UBR4: variants seen among roughly 807,000 people sequenced by gnomAD.
The protein encoded by UBR4 is E3 ubiquitin-protein ligase UBR4.
UBR4 carries 124 observed loss-of-function variants against 575.6 expected under a neutral mutation model. That is an observed-to-expected ratio of 0.22 (90% CI 0.19 to 0.25). The LOEUF (loss-of-function observed/expected upper bound fraction) is 0.25. Among genes scored for constraint, UBR4 ranks in the 10% least tolerant of loss-of-function variants. The pLI, the probability that UBR4 is intolerant of heterozygous loss-of-function variation, is 1.00. For missense variants in UBR4, 4,818 were observed against 6,478.8 expected (o/e 0.74, Z 8.80); for synonymous variants, 2,455 against 2,473.7 (o/e 0.99, Z 0.22).
In UBR4 at chr1:19,186,615, C is replaced by T. The variant is rs773308489; in HGVS notation, c.1675G>A (p.Asp559Asn). The part of the protein sequence containing the change: ...QRQRKGSMSS[D>N]ASASTDSNTY... ...TTGGAGTCGGTGGAGGCGCTGGCATCGCTGCTCATGGAGCCCTTCCTCTGC... is the reference window on the plus strand; with the variant it reads ...TTGGAGTCGGTGGAGGCGCTGGCATTGCTGCTCATGGAGCCCTTCCTCTGC... Residue 559 changes from aspartate to asparagine, a missense_variant, in exon 14 of 106, where the codon GAT (aspartate) becomes AAT (asparagine). By Grantham distance (23) the Asp-to-Asn change is conservative. Transcript: ENST00000375254. The T allele has an allele frequency of 3.7e-6, 6 of 1,613,970 alleles. No homozygotes were observed. Among genetic ancestry groups the T allele is most frequent in the Admixed American group, 1.7e-5 (1 of 59,990 alleles).
Position 19,159,508 on chromosome 1 carries a change from C to T in UBR4, c.5577+603G>A, listed in dbSNP as rs2086953846. Among the ~76,000 whole-genome samples the T allele has an allele frequency of 2.6e-5, 4 of 152,198 alleles. 1 individual carries two copies. In the South Asian group the frequency reaches 8.3e-4, roughly 32 times the overall value. On this transcript the variant is annotated intron_variant, in intron 39 of 105. Coordinates refer to ENST00000375254, the MANE Select transcript of UBR4 (RefSeq NM_020765.3). ...ATTCTAATTGCCCCAAAATGGAGTT[C>T]CCCACCTCTTGGAGATTCATATATT... is the stretch of plus-strand genomic sequence containing the variant.
intron 8 of UBR4, among the ~76,000 whole-genome samples, chr1:19,195,316 TTAAAAA>T (rs2092388734): frequency 6.7e-6 from 1 of 148,516 alleles, no homozygotes; most frequent in African/African-American, 2.5e-5. Context: ...TTTCAAAAAA[TTAAAAA>T]TAAATTTTAA....
chr1:19,161,538 T>C, intron 37 of UBR4, 51 bp downstream of exon 37: 1 of 1,541,916 alleles, frequency 6.5e-7, no homozygotes, highest in Non-Finnish European at 8.7e-7. Context: ...GCTTCAGTAA[T>C]CCCGTGTCAC....
chr1:19,140,675 A>T, intron 58 of UBR4, 113 bp downstream of exon 58: 1 of 1,086,576 alleles, frequency 9.2e-7, no homozygotes, highest in Non-Finnish European at 1.3e-6. Context: ...AGGCAGAAGC[A>T]GGAAGTCCAG....
Position 19,095,646 on chromosome 1 carries a change from G to T in UBR4, c.13525C>A (p.Leu4509Met). ...TTCACGCAGTAACTGAACAATTTCA[G>T]TAGCACCTGACAAGAAAAGCCAGTC... The part of the protein sequence containing the change: ...KQGRHLLTVL[L>M]KLFSYCVKVK... The change falls in exon 93 of 106, where the codon CTG (leucine) becomes ATG (methionine). Residue 4509 changes from leucine to methionine, a missense_variant. Coordinates refer to ENST00000375254, the MANE Select transcript of UBR4 (RefSeq NM_020765.3). The T allele has an allele frequency of 6.2e-7, 1 of 1,613,952 alleles. No homozygotes were observed. Among genetic ancestry groups the T allele is most frequent in the Middle Eastern group, 1.7e-4 (1 of 6,054 alleles).
Position 19,156,431 on chromosome 1 carries a change from A to G in UBR4, c.5920-8T>C. On this transcript the variant is annotated splice_region_variant and splice_polypyrimidine_tract_variant and intron_variant, in intron 41 of 105. Transcript: ENST00000375254. ...GGTGAGCACATGACAGTCCTGGACAATGTTTAAGAAACAAAATGGTGAAAA... is the reference window on the plus strand; with the variant it reads ...GGTGAGCACATGACAGTCCTGGACAGTGTTTAAGAAACAAAATGGTGAAAA... The G allele has an allele frequency of 6.2e-7, 1 of 1,608,952 alleles. No individual in the cohort carries two copies. Among genetic ancestry groups the G allele is most frequent in the South Asian group, 1.1e-5 (1 of 89,948 alleles).
chr1:19,200,520 C>T (rs991230978), intron 2 of UBR4, among the ~76,000 whole-genome samples: 35 of 151,732 alleles, frequency 2.3e-4, no homozygotes, highest in African/African-American at 8.3e-4. Context: ...GAGGCTGAGG[C>T]GGGTGGATCA....
intron 103 of UBR4, chr1:19,080,509 G>C (rs1057402810): frequency 1.3e-5 from 2 of 152,226 alleles, no homozygotes. Context: ...TACAAATGTG[G>C]ACATGATCCC....
chr1:19,098,803 T>C (rs1178696398), intron 90 of UBR4, among the ~76,000 whole-genome samples: 1 of 152,244 alleles, frequency 6.6e-6, no homozygotes. Flanking sequence ...CAGAAGTATT[T>C]GGGACCAAGT....
chr1:19,157,975 T>A lies in UBR4; in HGVS notation c.5600A>T (p.Glu1867Val), dbSNP rs2086680419. The A allele has an allele frequency of 6.2e-7, 1 of 1,612,928 alleles. No homozygotes were observed. Residue 1867 changes from glutamate to valine, a missense_variant, in exon 40 of 106, where the codon GAA becomes GTA. Around this residue, in one of 29 missense-constraint regions of UBR4, gnomAD observed 15 missense variants for 60.6 expected, o/e 0.25. Transcript: ENST00000375254. This position sits in a 1 kb window ranked among gnomAD's most constrained non-coding sequence, Gnocchi z 4.4. ...CATCCGCACATTCTCAAAGGCACCT[T>A]CCTGGGACCCTAAGGTGGGAACCTG... ...QLMVPTLGSQ[E>V]GAFENVRMNY...
chr1:19,145,542 C>G (rs969271380), intron 53 of UBR4, among the ~76,000 whole-genome samples: 5 of 150,480 alleles, frequency 3.3e-5, no homozygotes, highest in African/African-American at 4.9e-5. Context: ...CACACACACA[C>G]AGTGCCTCTT....
rs751973451 is a variant in UBR4 at position 19,167,116 on chromosome 1, C to T, written c.4015G>A (p.Gly1339Ser). 4.3e-6 allele frequency: 7 copies of T among 1,614,172 alleles called. No individual in the cohort carries two copies. Among genetic ancestry groups the T allele is most frequent in the Non-Finnish European group, 5.9e-6 (7 of 1,180,036 alleles). ...AAGAACTCATCAGACTCAGCAGGGC[C>T]CAAGATGCGTTCCAGGGAGTTGCTA... The part of the protein sequence containing the change: ...ISSNSLERIL[G>S]PAESDEFLAR... The change falls in exon 29 of 106, where the codon GGC becomes AGC. Residue 1339 changes from glycine to serine, a missense_variant. By Grantham distance (56) the Gly-to-Ser change is moderately conservative. Around this residue, in one of 29 missense-constraint regions of UBR4, gnomAD observed 1,172 missense variants for 1,259.7 expected, o/e 0.93. Coordinates refer to ENST00000375254, the MANE Select transcript of UBR4 (RefSeq NM_020765.3).
Position 19,164,935 on chromosome 1 carries a change from C to G in UBR4, c.4375G>C (p.Val1459Leu). 2 of 1,614,178 alleles carry G rather than the reference C, an allele frequency of 1.2e-6. No individual in the cohort carries two copies. The highest frequency in any genetic ancestry group is 1.7e-6 in the Non-Finnish European group (2 of 1,180,044). ...CAGGCCTGCAGGCGCACAGGTTCCA[C>G]ACAGGCCAGTTGTGCCAGGGAGCCA... ...LCGSLAQLAC[V>L]EPVRLQAWLT... is the part of the protein sequence containing the mutation. The change falls in exon 32 of 106, where the codon GTG (valine) becomes CTG (leucine). Residue 1459 changes from valine (V) to leucine (L), a missense_variant. Physicochemically the swap from Val to Leu is conservative, Grantham distance 32 (BLOSUM62 1). This residue lies in a region of UBR4 where 1,172 missense variants were observed against 1,259.7 expected (regional missense o/e 0.93). Transcript: ENST00000375254.
At position 19,172,459 on chromosome 1, in the gene UBR4, G is replaced by T. The variant is rs187176913; in HGVS notation, c.3521+405C>A. On this transcript the variant is annotated intron_variant, in intron 25 of 105. Transcript: ENST00000375254. ...TTGAACCCAGGGGGTGGAGGTTGCA[G>T]TGAGCCAAGATCGCACCATTGCACT... Among the ~76,000 whole-genome samples, 656 of 152,328 alleles carry T rather than the reference G, an allele frequency of 4.3e-3. 5 individuals carry two copies. The highest frequency in any genetic ancestry group is 6.8e-3 in the Middle Eastern group (2 of 294).
At chr1:19,161,285 G>A in intron 37 of UBR4, 138 bp from the exon 38 acceptor site, 1 of 829,468 alleles carries the variant, frequency 1.2e-6, no homozygotes, top group Non-Finnish European at 1.9e-6. Flanking sequence ...CCTAAATTCT[G>A]ATCTTCATAG....
intron 10 of UBR4, 34 bp from the exon 11 acceptor site, chr1:19,192,412 CA>C: frequency 6.2e-7 from 1 of 1,614,128 alleles, no homozygotes; most frequent in Middle Eastern, 1.6e-4. Flanking sequence ...AAAACATAAT[CA>C]TAGAGATATT....
chr1:19,190,312 A>AATATATATATATATATAT (rs1553226959), intron 11 of UBR4, among the ~76,000 whole-genome samples: 5 of 79,906 alleles, frequency 6.3e-5, no homozygotes, highest in African/African-American at 2.7e-4. Context: ...AAAAAAAAAA[A>AATATATATATATATATAT]ATATATATAT....
chr1:19,164,803 T>G lies in UBR4; in HGVS notation c.4507A>C (p.Asn1503His), dbSNP rs749016498. ...QLLTTYIVRE[N>H]SQVGEGVCAV... ...ACAGAAATGTAGTTGTTCTACCTGTTTTCCCGAACAATGTATGTGGTCAGT... is the reference window on the plus strand; with the variant it reads ...ACAGAAATGTAGTTGTTCTACCTGTGTTCCCGAACAATGTATGTGGTCAGT... Residue 1503 changes from asparagine (N) to histidine (H), a missense_variant, in exon 32 of 106, where the codon AAC becomes CAC. By Grantham distance (68) the Asn-to-His change is moderately conservative. Transcript: ENST00000375254. 2 of 1,613,714 alleles carry G rather than the reference T, an allele frequency of 1.2e-6. No individual in the cohort carries two copies. Among genetic ancestry groups the G allele is most frequent in the African/African-American group, 2.7e-5 (2 of 74,924 alleles).
Position 19,165,367 on chromosome 1 carries a change from A to T in UBR4, c.4212-18T>A. ...GTTCTCCACTGGGAGGCAAGATGGG[A>T]GAAAAATGGAAAGAATCACATTAAA... On this transcript the variant is annotated intron_variant, in intron 30 of 105. Coordinates refer to ENST00000375254, the MANE Select transcript of UBR4 (RefSeq NM_020765.3). 1 of 1,580,498 alleles carries T rather than the reference A, an allele frequency of 6.3e-7. No individual in the cohort carries two copies. Among genetic ancestry groups the T allele is most frequent in the South Asian group, 1.1e-5 (1 of 89,084 alleles).
Sources: allele counts gnomAD v4.1 joint callset (sites outside exome capture counted in the v4.1 genomes callset), GRCh38; gene constraint gnomAD v4.1.1; regional missense constraint gnomAD v4.1.1; non-coding constraint Gnocchi (gnomAD v3.1); transcripts MANE v1.5; gene names NCBI Gene and HGNC (gene_info 2026-07-23, HGNC 2026-07-21).